The following MERTK variants were observed in gnomAD, a reference collection of about 807,000 sequenced individuals.
The protein encoded by MERTK is MER proto-oncogene, tyrosine kinase.
Under a neutral mutation model 99.3 loss-of-function variants are expected in MERTK, and 69 were observed. The observed-to-expected ratio is 0.70, with a 90% CI of 0.57 to 0.85. The LOEUF (loss-of-function observed/expected upper bound fraction) is 0.85, where lower values mean the gene tolerates loss of function less well. MERTK is among the 40% of genes least tolerant of loss of function. The pLI, the probability that MERTK is intolerant of heterozygous loss-of-function variation, is 0.00. For synonymous variants in MERTK, 426 were observed against 467.6 expected (o/e 0.91, Z 1.15); for missense variants, 1,125 against 1,249.4 (o/e 0.90, Z 1.50).
intron 2 of MERTK, among the ~76,000 whole-genome samples, chr2:111,939,243 CAT>C (rs1684818173): frequency 6.6e-6 from 1 of 152,018 alleles, no homozygotes; most frequent in Non-Finnish European, 1.5e-5. Context: ...TGAGCGTGCT[CAT>C]GTGCTAGCTT....
intron 2 of MERTK, among the ~76,000 whole-genome samples, chr2:111,934,762 G>A (rs1175724956): frequency 2.0e-5 from 3 of 152,070 alleles, no homozygotes; most frequent in African/African-American, 7.2e-5. Flanking sequence ...TTGCCATTGC[G>A]TTTGGTGTTT....
At chr2:112,006,646 G>C (rs1189845211) in intron 13 of MERTK, among the ~76,000 whole-genome samples, 1 of 152,118 alleles carries the variant, frequency 6.6e-6, no homozygotes, top group Non-Finnish European at 1.5e-5. Flanking sequence ...AAATTGCATA[G>C]GGATTACACC....
intron 1 of MERTK, among the ~76,000 whole-genome samples, chr2:111,904,578 G>A (rs573586667): frequency 3.9e-5 from 6 of 152,072 alleles, no homozygotes; most frequent in African/African-American, 9.7e-5. Flanking sequence ...GTTTCACCGT[G>A]TTGGGCAGGC....
At chr2:112,018,328 C>T (rs1677261161) in intron 15 of MERTK, among the ~76,000 whole-genome samples, 1 of 152,164 alleles carries the variant, frequency 6.6e-6, no homozygotes, top group Non-Finnish European at 1.5e-5. Flanking sequence ...TCATGAATGA[C>T]AGCAAGATGC....
chr2:111,953,283 C>G (rs1306350849), intron 4 of MERTK, among the ~76,000 whole-genome samples: 1 of 152,230 alleles, frequency 6.6e-6, no homozygotes, highest in East Asian at 1.9e-4. Flanking sequence ...AGAACTCTTA[C>G]TTAAACTGCT....
chr2:111,930,195 C>T (rs1303995127), intron 2 of MERTK: 1 of 152,562 alleles, frequency 6.6e-6, no homozygotes, highest in Non-Finnish European at 1.5e-5. Flanking sequence ...GTTAAAATCA[C>T]CCTGGCCATG....
At chr2:111,962,053 GA>G (rs905264593) in intron 4 of MERTK, among the ~76,000 whole-genome samples, 11 of 152,100 alleles carry the variant, frequency 7.2e-5, no homozygotes, top group Non-Finnish European at 1.6e-4. Flanking sequence ...GTAGACAGAA[GA>G]CACAAAATAA....
At chr2:112,018,089 A>G (rs1280327036) in intron 15 of MERTK, among the ~76,000 whole-genome samples, 1 of 152,244 alleles carries the variant, frequency 6.6e-6, no homozygotes, top group African/African-American at 2.4e-5. Context: ...AAGGAGGAGG[A>G]GAAGAAAGAA....
At chr2:111,964,256 T>C (rs1685314676) in intron 4 of MERTK, among the ~76,000 whole-genome samples, 1 of 152,204 alleles carries the variant, frequency 6.6e-6, no homozygotes, top group Non-Finnish European at 1.5e-5. Flanking sequence ...TTTTCTTCTT[T>C]GGGTTATAAT....
intron 1 of MERTK, among the ~76,000 whole-genome samples, chr2:111,908,243 A>T (rs1684176245): frequency 6.6e-6 from 1 of 152,240 alleles, no homozygotes; most frequent in Admixed American, 6.5e-5. Context: ...AAAGAGATAC[A>T]GCTAATCAGG....
At chr2:111,979,237 T>C (rs1206899468) in intron 7 of MERTK, among the ~76,000 whole-genome samples, 1 of 152,202 alleles carries the variant, frequency 6.6e-6, no homozygotes, top group African/African-American at 2.4e-5. Context: ...AACTTGCATA[T>C]CCTTATGTAA....
chr2:111,929,103 G>A lies in MERTK; in HGVS notation c.62-17G>A. On this transcript the variant is annotated splice_polypyrimidine_tract_variant and intron_variant, in intron 1 of 18. Transcript: ENST00000295408. The stretch of plus-strand genomic sequence containing the variant: ...TTCTTATTTAAAAGGCTAAAATTTG[G>A]ATGTTCTGTTTTACAGCTATCACTG... The A allele has an allele frequency of 6.2e-7, 1 of 1,614,070 alleles. No individual in the cohort carries two copies. The highest frequency in any genetic ancestry group is 8.5e-7 in the Non-Finnish European group (1 of 1,180,008).
chr2:111,986,966 C>T (rs1676489984), intron 8 of MERTK, among the ~76,000 whole-genome samples: 1 of 152,140 alleles, frequency 6.6e-6, no homozygotes, highest in South Asian at 2.1e-4. Flanking sequence ...AAACCCACAC[C>T]CAAAAGGAAG....
At chr2:111,938,297 A>G (rs1478680641) in intron 2 of MERTK, among the ~76,000 whole-genome samples, 1 of 151,960 alleles carries the variant, frequency 6.6e-6, no homozygotes, top group East Asian at 1.9e-4. Flanking sequence ...GGGTTTTGCC[A>G]TGCTGTCCAG....
At chr2:111,934,657 T>G (rs1684732713) in intron 2 of MERTK, among the ~76,000 whole-genome samples, 1 of 151,584 alleles carries the variant, frequency 6.6e-6, no homozygotes, top group Non-Finnish European at 1.5e-5. Context: ...TTTTCTCGCA[T>G]TCTGTAGGTT....
chr2:111,936,815 C>T (rs551272741), intron 2 of MERTK, among the ~76,000 whole-genome samples: 1 of 152,110 alleles, frequency 6.6e-6, no homozygotes, highest in African/African-American at 2.4e-5. Context: ...TTGGCCAAGA[C>T]CTTTCACTGG....
chr2:112,027,411 T>C (rs1677489159), intron 18 of MERTK, among the ~76,000 whole-genome samples: 1 of 151,984 alleles, frequency 6.6e-6, no homozygotes, highest in Non-Finnish European at 1.5e-5. Flanking sequence ...AAAAAACATT[T>C]TTAATGAAAT....
intron 6 of MERTK, among the ~76,000 whole-genome samples, chr2:111,968,718 G>C (rs1676006275): frequency 6.6e-6 from 1 of 152,052 alleles, no homozygotes; most frequent in Admixed American, 6.6e-5. Context: ...TAGTAGAGAT[G>C]GGGTTTCTCC....
intron 17 of MERTK, 152 bp downstream of exon 17, chr2:112,021,733 A>T: frequency 1.4e-6 from 1 of 725,990 alleles, no homozygotes; most frequent in Middle Eastern, 2.9e-4. Context: ...TTACCATCAG[A>T]TACTTTAATT....
Sources: gnomAD v4.1 joint callset for allele counts (sites outside exome capture counted in the v4.1 genomes callset) on GRCh38, gnomAD v4.1.1 for gene constraint, MANE v1.5 for transcripts, NCBI Gene and HGNC (gene_info 2026-07-23, HGNC 2026-07-21) for gene names.